MET: variants seen among roughly 807,000 people sequenced by gnomAD.
MET encodes hepatocyte growth factor receptor.
In MET, 48 loss-of-function variants were observed where a neutral mutation model predicts 133.1. That is an observed-to-expected ratio of 0.36 (90% CI 0.29 to 0.46). MET has a LOEUF of 0.46. MET is among the 20% of genes least tolerant of loss of function. The pLI is 1.00. For missense variants in MET, 1,442 were observed against 1,695.9 expected (o/e 0.85, Z 2.63); for synonymous variants, 628 against 616.5 (o/e 1.02, Z -0.28).
In MET at chr7:116,725,385, G is replaced by A. The variant is rs140712080; in HGVS notation, c.1201-6283G>A. ...TTAGGACATCAAGAAGTTGGGGTGG[G>A]GAAAATTCTTAATAGGTTTTCTCCA... On this transcript the variant is annotated intron_variant, in intron 2 of 20. Coordinates refer to ENST00000397752, the MANE Select transcript of MET (RefSeq NM_000245.4). Among the ~76,000 whole-genome samples the A allele has an allele frequency of 1.8e-3, 268 of 151,090 alleles. 2 individuals carry two copies. The highest frequency in any genetic ancestry group is 6.2e-3 in the African/African-American group (255 of 41,232).
At chr7:116,699,008 T>A in intron 1 of MET, 63 bp from the exon 2 acceptor site, 1 of 1,607,360 alleles carries the variant, frequency 6.2e-7, no homozygotes, top group South Asian at 1.1e-5. Context: ...ATGGTATAGG[T>A]CTTTCAGTTT....
At chr7:116,676,025 G>GA (rs1256729427) in intron 1 of MET, among the ~76,000 whole-genome samples, 1 of 152,020 alleles carries the variant, frequency 6.6e-6, no homozygotes, top group East Asian at 1.9e-4. Context: ...GGGACAAAAT[G>GA]AAAAAAGTGC....
intron 1 of MET, among the ~76,000 whole-genome samples, chr7:116,677,996 T>G (rs1562871800): frequency 1.3e-5 from 2 of 151,710 alleles, no homozygotes; most frequent in Non-Finnish European, 2.9e-5. Flanking sequence ...TGTCTCTCTC[T>G]CTCTCTGTCT....
rs1794887018 is a variant in MET at position 116,773,146 on chromosome 7, G to A, written c.3028+1157G>A. On this transcript the variant is annotated intron_variant, in intron 14 of 20. Transcript: ENST00000397752. The stretch of plus-strand genomic sequence containing the variant: ...CTGTCATCATTGCTAAGAAGGTTGA[G>A]TTTCACACTCTTTTCTCCATTGAGC... Among the ~76,000 whole-genome samples, 3 of 152,142 alleles carry A rather than the reference G, an allele frequency of 2.0e-5. No homozygotes were observed. The South Asian group carries it at 6.2e-4, about 32-fold the overall frequency.
At position 116,796,430 on chromosome 7, in the gene MET, G is replaced by A; in HGVS notation, c.*306G>A. On this transcript the variant is annotated 3_prime_UTR_variant, in exon 21 of 21. Transcript: ENST00000397752. ...AATCAGGTACCACTTGATTTCATAT[G>A]GGAAATTGAAGCAGGAAATATTGAG... 2.2e-6 allele frequency: 1 copy of A among 464,522 alleles called. No individual in the cohort carries two copies. Among genetic ancestry groups the A allele is most frequent in the Admixed American group, 3.6e-5 (1 of 27,782 alleles). The allele number at this position is 464,522 out of a possible 1,614,324, so 28.8% of individuals were successfully genotyped here. A position where few individuals can be genotyped will look rare whatever the true frequency, so the allele number is the denominator to read the frequency against.
chr7:116,763,460 G>A (rs2116958640), intron 11 of MET, 192 bp downstream of exon 11: 2 of 609,868 alleles, frequency 3.3e-6, no homozygotes, highest in East Asian at 2.9e-5. Flanking sequence ...TTTTAATGAA[G>A]CATTAAAAAA....
intron 11 of MET, among the ~76,000 whole-genome samples, chr7:116,764,214 C>T (rs542096684): frequency 6.6e-6 from 1 of 152,184 alleles, no homozygotes; most frequent in South Asian, 2.1e-4. Context: ...TGCATATGTT[C>T]ACGTTCATAC....
intron 8 of MET, 76 bp downstream of exon 8, chr7:116,757,850 T>TTGTG: frequency 6.7e-7 from 1 of 1,501,378 alleles, no homozygotes; most frequent in East Asian, 2.3e-5. Flanking sequence ...GCAGATTGTT[T>TTGTG]TGTGTGTGTG....
chr7:116,716,338 A>G (rs1221168542), intron 2 of MET, among the ~76,000 whole-genome samples: 1 of 127,358 alleles, frequency 7.9e-6, no homozygotes, highest in African/African-American at 3.1e-5. Context: ...AGAGAGAGAG[A>G]AAAGAAACGG....
Position 116,759,442 on chromosome 7 carries a change from C to T in MET, c.2316C>T (p.Val772=), listed in dbSNP as rs1794310980. The T allele has an allele frequency of 1.2e-6, 2 of 1,613,812 alleles. No homozygotes were observed. Among genetic ancestry groups the T allele is most frequent in the South Asian group, 1.1e-5 (1 of 91,040 alleles). Residue 772 remains valine (V), a synonymous_variant, in exon 10 of 21, where the codon GTC becomes GTT. Transcript: ENST00000397752. Reference sequence around the variant, plus strand: ...GGAAAAACCTGAATTCAGTTAGTGTCCCGAGAATGGTCATAAATGTGCATG... The same window carrying T: ...GGAAAAACCTGAATTCAGTTAGTGTTCCGAGAATGGTCATAAATGTGCATG... The part of the protein sequence containing the change: ...GVGKNLNSVS[V]PRMVINVHEA...
intron 19 of MET, among the ~76,000 whole-genome samples, 194 bp from the exon 20 acceptor site, chr7:116,795,461 T>C (rs1345212101): frequency 6.6e-6 from 1 of 152,258 alleles, no homozygotes; most frequent in Non-Finnish European, 1.5e-5. Flanking sequence ...CATTTACTTA[T>C]AATCTAAACC....
Position 116,740,901 on chromosome 7 carries a change from G to T in MET, c.1577G>T (p.Cys526Phe), listed in dbSNP as rs1584923176. 1.2e-6 allele frequency: 2 copies of T among 1,614,154 alleles called. No homozygotes were observed. ...TTGGGCTGCAGACATTTCCAGTCCT[G>T]CAGTCAATGCCTCTCTGCCCCACCC... ...NGLGCRHFQS[C>F]SQCLSAPPFV... Residue 526 changes from cysteine (C) to phenylalanine (F), a missense_variant, in exon 5 of 21, where the codon TGC becomes TTC. Cys to Phe is a radical substitution (Grantham distance 205). Transcript: ENST00000397752.
At chr7:116,689,421 G>T (rs1029707067) in intron 1 of MET, among the ~76,000 whole-genome samples, 3 of 151,938 alleles carry the variant, frequency 2.0e-5, no homozygotes, top group African/African-American at 7.3e-5. Flanking sequence ...ATTTGCTGAC[G>T]ACTAGGATTG....
At chr7:116,721,071 C>T (rs1315217323) in intron 2 of MET, among the ~76,000 whole-genome samples, 2 of 152,212 alleles carry the variant, frequency 1.3e-5, no homozygotes, top group African/African-American at 4.8e-5. Flanking sequence ...GTACCAGTTC[C>T]TCCTTGCACC....
At chr7:116,716,958 C>A (rs746606050) in intron 2 of MET, among the ~76,000 whole-genome samples, 19 of 152,128 alleles carry the variant, frequency 1.2e-4, no homozygotes, top group Admixed American at 9.2e-4. Flanking sequence ...TAAATTTTGC[C>A]CCCCCCAGCT....
chr7:116,730,216 G>A (rs146352540), intron 2 of MET, among the ~76,000 whole-genome samples: 72 of 152,292 alleles, frequency 4.7e-4, no homozygotes, highest in African/African-American at 1.5e-3. Context: ...AGCATTTCAA[G>A]CCGGGAAATA....
chr7:116,774,785 T>A (rs2117028443), intron 14 of MET, 96 bp from the exon 15 acceptor site: 1 of 911,918 alleles, frequency 1.1e-6, no homozygotes, highest in African/African-American at 1.6e-5. Flanking sequence ...TTATCATTTT[T>A]ATCAAACTAA....
At chr7:116,793,195 G>A (rs1795567646) in intron 19 of MET, among the ~76,000 whole-genome samples, 2 of 143,174 alleles carry the variant, frequency 1.4e-5, no homozygotes, top group South Asian at 2.2e-4. Context: ...TTTTTTTTGA[G>A]ACGGAGTCTC....
Position 116,707,832 on chromosome 7 carries a change from G to A in MET, c.1200+7548G>A, listed in dbSNP as rs533855630. ...AAAAAATATCTTGACAATAAAATGT[G>A]CAATATTTTCCATTTATCTTAAGCT... On this transcript the variant is annotated intron_variant, in intron 2 of 20. Coordinates refer to ENST00000397752, the MANE Select transcript of MET (RefSeq NM_000245.4). 7.9e-5 allele frequency among the ~76,000 whole-genome samples: 12 copies of A among 152,182 alleles called. No individual in the cohort carries two copies. In the South Asian group the frequency reaches 1.5e-3, roughly 18 times the overall value.
Sources: gnomAD v4.1 joint callset for allele counts (sites outside exome capture counted in the v4.1 genomes callset) on GRCh38, gnomAD v4.1.1 for gene constraint, MANE v1.5 for transcripts, NCBI Gene and HGNC (gene_info 2026-07-23, HGNC 2026-07-21) for gene names.